Variants in TMEM87A observed in about 807,000 individuals in gnomAD.
TMEM87A encodes the protein Golgi-pH regulating cation channel.
TMEM87A carries 50 observed loss-of-function variants against 90.0 expected under a neutral mutation model. The observed-to-expected ratio is 0.56, with a 90% CI of 0.44 to 0.70. TMEM87A has a LOEUF of 0.70. Among genes scored for constraint, TMEM87A ranks in the 30% least tolerant of loss-of-function variants. The pLI, the probability that TMEM87A is intolerant of heterozygous loss-of-function variation, is 0.00. For missense variants in TMEM87A, 577 were observed against 660.5 expected (o/e 0.87, Z 1.39); for synonymous variants, 226 against 226.7 (o/e 1.00, Z 0.03).
chr15:42,264,300 C>CA, intron 3 of TMEM87A, 97 bp from the exon 4 acceptor site: 4 of 753,366 alleles, frequency 5.3e-6, no homozygotes, highest in Non-Finnish European at 8.9e-6. Flanking sequence ...AGTACAGATA[C>CA]AATTTTGAGT....
Position 42,261,181 on chromosome 15 carries a change from A to C in TMEM87A, c.459+15T>G. ...TTTTACTGCACTCTCAGAAATATAT[A>C]ATGAAAACAATTACCTCCTGTTTTT... is the stretch of plus-strand genomic sequence containing the variant. On this transcript the variant is annotated intron_variant, in intron 5 of 19. Transcript: ENST00000389834. 1 of 1,611,758 alleles carries C rather than the reference A, an allele frequency of 6.2e-7. No homozygotes were observed. Among genetic ancestry groups the C allele is most frequent in the Non-Finnish European group, 8.5e-7 (1 of 1,178,840 alleles).
At chr15:42,234,098 A>T (rs2050733462) in intron 10 of TMEM87A, among the ~76,000 whole-genome samples, 1 of 152,214 alleles carries the variant, frequency 6.6e-6, no homozygotes, top group African/African-American at 2.4e-5. Flanking sequence ...AGAAACTTTT[A>T]AAAAACATCA....
intron 12 of TMEM87A, among the ~76,000 whole-genome samples, chr15:42,229,919 G>A (rs2050659373): frequency 6.6e-6 from 1 of 152,172 alleles, no homozygotes; most frequent in Non-Finnish European, 1.5e-5. Context: ...TCCGCTTCCA[G>A]GGCTCAAGCA....
intron 10 of TMEM87A, among the ~76,000 whole-genome samples, chr15:42,233,711 AG>A (rs1310147156): frequency 1.3e-5 from 2 of 152,094 alleles, no homozygotes; most frequent in East Asian, 3.9e-4. Context: ...GATATATTTC[AG>A]TATGTGTTTT....
At chr15:42,219,432 T>C in intron 17 of TMEM87A, 149 bp downstream of exon 17, 1 of 627,862 alleles carries the variant, frequency 1.6e-6, no homozygotes. Flanking sequence ...TATTTTTGCT[T>C]TGTTCCCTGT....
At chr15:42,263,799 T>C (rs894729342) in intron 4 of TMEM87A, among the ~76,000 whole-genome samples, 1 of 152,332 alleles carries the variant, frequency 6.6e-6, no homozygotes, top group South Asian at 2.1e-4. Context: ...GCAATGTGAA[T>C]ATATTTAATG....
At chr15:42,233,129 CCA>C (rs1595719460) in intron 11 of TMEM87A, 82 bp downstream of exon 11, 2 of 1,169,844 alleles carry the variant, frequency 1.7e-6, no homozygotes, top group South Asian at 2.7e-5. Flanking sequence ...AGAAAGAAGC[CCA>C]CAGACATTTC....
chr15:42,273,469 T>C, upstream of TMEM87A: 2 of 1,598,368 alleles, frequency 1.3e-6, no homozygotes, highest in Non-Finnish European at 1.7e-6. Context: ...CTTCCGGCTC[T>C]GCTCTAAGGG....
At position 42,236,453 on chromosome 15, in the gene TMEM87A, T is replaced by A. The variant is rs763411193; in HGVS notation, c.869-34A>T. 19 of 1,599,402 alleles carry A rather than the reference T, an allele frequency of 1.2e-5. No homozygotes were observed. The South Asian group carries it at 1.9e-4, about 16-fold the overall frequency. ...AAGAAGGGAAGAAATGGCACCATAA[T>A]CTAGGTTTGGCAACAGGCCAGATGC... On this transcript the variant is annotated intron_variant, in intron 9 of 19. Coordinates refer to ENST00000389834, the MANE Select transcript of TMEM87A (RefSeq NM_015497.5).
chr15:42,232,478 T>G (rs1036821323), intron 11 of TMEM87A, among the ~76,000 whole-genome samples: 1 of 152,160 alleles, frequency 6.6e-6, no homozygotes, highest in Non-Finnish European at 1.5e-5. Context: ...AGCTGCATTT[T>G]TTTTTCTTTT....
At chr15:42,227,328 G>T (rs1014333584) in intron 14 of TMEM87A, among the ~76,000 whole-genome samples, 2 of 152,156 alleles carry the variant, frequency 1.3e-5, no homozygotes, top group Non-Finnish European at 2.9e-5. Flanking sequence ...TACTGTCACA[G>T]TCGTTGAGCT....
At chr15:42,261,167 T>G in intron 5 of TMEM87A, 29 bp downstream of exon 5, 1 of 1,608,636 alleles carries the variant, frequency 6.2e-7, no homozygotes, top group Non-Finnish European at 8.5e-7. Context: ...TTTACTGCAC[T>G]CTCAGAAATA....
At chr15:42,232,947 T>C (rs1194794513) in intron 11 of TMEM87A, 3 of 224,306 alleles carry the variant, frequency 1.3e-5, no homozygotes, top group Non-Finnish European at 1.7e-5. Flanking sequence ...GAAAAAAAAA[T>C]GCAAGTCTAC....
At chr15:42,273,541 T>G (rs2051610135), upstream of TMEM87A, 11 of 1,386,756 alleles carry the variant, frequency 7.9e-6, no homozygotes, top group Non-Finnish European at 9.6e-6. Flanking sequence ...TAGCGGCCCC[T>G]CTCTCAGACA....
chr15:42,261,079 G>A, intron 5 of TMEM87A, 77 bp from the exon 6 acceptor site: 1 of 1,550,102 alleles, frequency 6.5e-7, no homozygotes, highest in Non-Finnish European at 8.8e-7. Flanking sequence ...GTAGCCACTG[G>A]GGAAGCCTGC....
At chr15:42,226,681 C>T in intron 15 of TMEM87A, 125 bp downstream of exon 15, 1 of 797,284 alleles carries the variant, frequency 1.3e-6, no homozygotes. Context: ...CCCAGTTCTT[C>T]TGATTCCAGG....
intron 6 of TMEM87A, among the ~76,000 whole-genome samples, chr15:42,246,247 A>G (rs1005835388): frequency 2.6e-5 from 4 of 152,028 alleles, no homozygotes; most frequent in African/African-American, 9.7e-5. Context: ...GAATTGGCAA[A>G]TATTTTATTG....
rs1288751219 is a variant in TMEM87A, at chr15:42,226,801, A to G, written c.1403+5T>C. ...TTAGCAGAGTAAACAGAAGAGTCCA[A>G]GAACCTCTGGTTGTTTGCAGATGGT... On this transcript the variant is annotated splice_donor_5th_base_variant and intron_variant, in intron 15 of 19. Coordinates refer to ENST00000389834, the MANE Select transcript of TMEM87A (RefSeq NM_015497.5). 3 of 1,613,394 alleles carry G rather than the reference A, an allele frequency of 1.9e-6. No homozygotes were observed. Among genetic ancestry groups the G allele is most frequent in the South Asian group, 2.2e-5 (2 of 91,062 alleles).
chr15:42,268,524 AGGCG>A, intron 2 of TMEM87A, among the ~76,000 whole-genome samples: 1 of 152,096 alleles, frequency 6.6e-6, no homozygotes, highest in Non-Finnish European at 1.5e-5. Context: ...TTAAAAAGCT[AGGCG>A]TGGTGGTACA....
Sources: allele counts gnomAD v4.1 joint callset (sites outside exome capture counted in the v4.1 genomes callset), GRCh38; gene constraint gnomAD v4.1.1; transcripts MANE v1.5; gene names NCBI Gene and HGNC (gene_info 2026-07-23, HGNC 2026-07-21).